CAMK1D: variants seen among roughly 807,000 people sequenced by gnomAD.
The protein encoded by CAMK1D is calcium/calmodulin-dependent protein kinase type 1D.
CAMK1D carries 9 observed loss-of-function variants against 47.7 expected under a neutral mutation model. The observed-to-expected ratio is 0.19, with a 90% CI of 0.11 to 0.33. The LOEUF is 0.33. Among genes scored for constraint, CAMK1D ranks in the 10% least tolerant of loss-of-function variants. The pLI is 1.00. For missense variants in CAMK1D, 291 were observed against 488.7 expected (o/e 0.60, Z 3.81); for synonymous variants, 184 against 184.9 (o/e 0.99, Z 0.04).
intron 1 of CAMK1D, among the ~76,000 whole-genome samples, chr10:12,381,114 A>G (rs1303797090): frequency 1.3e-5 from 2 of 152,234 alleles, no homozygotes; most frequent in Non-Finnish European, 2.9e-5. Context: ...AGTAGGAATG[A>G]AAAGAACTGG....
intron 3 of CAMK1D, among the ~76,000 whole-genome samples, chr10:12,688,154 T>C (rs1832731596): frequency 6.6e-6 from 1 of 152,226 alleles, no homozygotes; most frequent in African/African-American, 2.4e-5. Context: ...GGCAATATCC[T>C]TGTGACATGT....
chr10:12,522,096 C>T (rs1042333610), intron 1 of CAMK1D, among the ~76,000 whole-genome samples: 1 of 150,878 alleles, frequency 6.6e-6, no homozygotes, highest in Non-Finnish European at 1.5e-5. Flanking sequence ...AATAGTGGGC[C>T]TACTATTTTA....
chr10:12,661,766 G>T (rs1023669948), intron 2 of CAMK1D, among the ~76,000 whole-genome samples: 1 of 152,192 alleles, frequency 6.6e-6, no homozygotes, highest in South Asian at 2.1e-4. Context: ...TAGAAGATGA[G>T]ATCTATAGAC....
chr10:12,516,631 A>G (rs1001766150), intron 1 of CAMK1D, among the ~76,000 whole-genome samples: 6 of 152,166 alleles, frequency 3.9e-5, no homozygotes, highest in Admixed American at 3.9e-4. Context: ...CTGTTGCTCT[A>G]TATTCTTGTT....
In CAMK1D at chr10:12,644,534, C is replaced by G. The variant is rs1380894372; in HGVS notation, c.225-22202C>G. Among the ~76,000 whole-genome samples, 7 of 152,172 alleles carry G rather than the reference C, an allele frequency of 4.6e-5. No individual in the cohort carries two copies. The East Asian group carries it at 9.6e-4, about 21-fold the overall frequency. Reference sequence around the variant, plus strand: ...AGGTTGGCTCTTCTTAGTTTTCTCTCCCTGGTCACTGCACCTGGCGATGCT... The same window carrying G: ...AGGTTGGCTCTTCTTAGTTTTCTCTGCCTGGTCACTGCACCTGGCGATGCT... On this transcript the variant is annotated intron_variant, in intron 2 of 10. Coordinates refer to ENST00000619168, the MANE Select transcript of CAMK1D (RefSeq NM_153498.4).
At position 12,589,345 on chromosome 10, in the gene CAMK1D, G is replaced by A. The variant is rs868188096; in HGVS notation, c.224+35989G>A. Among the ~76,000 whole-genome samples, 17 of 152,272 alleles carry A rather than the reference G, an allele frequency of 1.1e-4. 1 individual carries two copies. Among genetic ancestry groups the A allele is most frequent in the Middle Eastern group, 6.8e-3 (2 of 294 alleles). ...ATTTTTAAAATAGGGAACAGATTGT[G>A]CAAACATACAAAATGTGACCCAGAA... is the stretch of plus-strand genomic sequence containing the variant. On this transcript the variant is annotated intron_variant, in intron 2 of 10. Coordinates refer to ENST00000619168, the MANE Select transcript of CAMK1D (RefSeq NM_153498.4).
intron 5 of CAMK1D, among the ~76,000 whole-genome samples, chr10:12,785,627 A>G (rs1192072916): frequency 6.6e-6 from 1 of 152,106 alleles, no homozygotes; most frequent in Non-Finnish European, 1.5e-5. Flanking sequence ...TGGGTCTGGA[A>G]ACTCGTTGGT....
intron 3 of CAMK1D, among the ~76,000 whole-genome samples, chr10:12,759,006 C>G (rs1326643326): frequency 2.6e-5 from 4 of 152,192 alleles, no homozygotes; most frequent in African/African-American, 9.6e-5. Flanking sequence ...TGCTCACTGG[C>G]ATGTAATGGG....
Position 12,606,333 on chromosome 10 carries a change from C to T in CAMK1D, c.224+52977C>T, listed in dbSNP as rs573756798. Among the ~76,000 whole-genome samples the T allele has an allele frequency of 2.3e-3, 349 of 152,298 alleles. 2 individuals carry two copies. Among genetic ancestry groups the T allele is most frequent in the Middle Eastern group, 6.8e-3 (2 of 294 alleles). The stretch of plus-strand genomic sequence containing the variant: ...ATGCCAGGCGACCCCGGCACAGAGT[C>T]GGTCACGCACGTTTCCTCCACTGTC... On this transcript the variant is annotated intron_variant, in intron 2 of 10. Coordinates refer to ENST00000619168, the MANE Select transcript of CAMK1D (RefSeq NM_153498.4).
chr10:12,364,850 G>A (rs766704667), intron 1 of CAMK1D, among the ~76,000 whole-genome samples: 1 of 152,126 alleles, frequency 6.6e-6, no homozygotes, highest in Non-Finnish European at 1.5e-5. Context: ...TTTAGGAGTC[G>A]CTGGAAGGTG....
In CAMK1D at chr10:12,372,307, C is replaced by G. The variant is rs551345106; in HGVS notation, c.92+22397C>G. On this transcript the variant is annotated intron_variant, in intron 1 of 10. Transcript: ENST00000619168. ...GCACAGCCATTCAATAAAATAGATA[C>G]TCTTGTCACCACCATTTTAGAGATG... Among the ~76,000 whole-genome samples the G allele has an allele frequency of 2.0e-5, 3 of 152,342 alleles. No individual in the cohort carries two copies. The South Asian group carries it at 6.2e-4, about 32-fold the overall frequency.
At chr10:12,387,441 TA>T (rs1249649898) in intron 1 of CAMK1D, among the ~76,000 whole-genome samples, 10 of 50,228 alleles carry the variant, frequency 2.0e-4, no homozygotes, top group African/African-American at 5.9e-4. Flanking sequence ...ATATTATATA[TA>T]TTTTATATAT....
intron 1 of CAMK1D, among the ~76,000 whole-genome samples, chr10:12,474,477 A>C (rs2724814): frequency 1.3e-5 from 2 of 151,938 alleles, no homozygotes; most frequent in Non-Finnish European, 2.9e-5. Context: ...ACAGGCGTGA[A>C]CCACCGCACC....
At chr10:12,416,546 G>T (rs1424429845) in intron 1 of CAMK1D, among the ~76,000 whole-genome samples, 2 of 152,180 alleles carry the variant, frequency 1.3e-5, no homozygotes, top group Non-Finnish European at 2.9e-5. Context: ...TAAACTGTCG[G>T]ATGGGGCCAG....
intron 2 of CAMK1D, among the ~76,000 whole-genome samples, chr10:12,633,217 G>A (rs1461430096): frequency 6.6e-6 from 1 of 152,304 alleles, no homozygotes; most frequent in East Asian, 1.9e-4. Flanking sequence ...GAGAAGATGG[G>A]GAAATTGGAG....
At chr10:12,470,590 C>T (rs1327122035) in intron 1 of CAMK1D, among the ~76,000 whole-genome samples, 4 of 151,770 alleles carry the variant, frequency 2.6e-5, no homozygotes, top group African/African-American at 7.3e-5. Flanking sequence ...GATCTCTTCT[C>T]ACTGCAACCT....
At chr10:12,475,142 A>G (rs1255957493) in intron 1 of CAMK1D, among the ~76,000 whole-genome samples, 1 of 152,136 alleles carries the variant, frequency 6.6e-6, no homozygotes, top group African/African-American at 2.4e-5. Flanking sequence ...GGTCGAATTC[A>G]TTGTAATCAT....
chr10:12,780,453 G>A (rs1337064035), intron 5 of CAMK1D, among the ~76,000 whole-genome samples: 1 of 151,970 alleles, frequency 6.6e-6, no homozygotes, highest in Non-Finnish European at 1.5e-5. Flanking sequence ...CTTGTGAGTT[G>A]GCATCCTTTA....
In CAMK1D at chr10:12,386,740, T is replaced by C. The variant is rs115697973; in HGVS notation, c.92+36830T>C. Among the ~76,000 whole-genome samples the C allele has an allele frequency of 9.2e-3, 1,404 of 152,300 alleles. 20 individuals carry two copies. Among genetic ancestry groups the C allele is most frequent in the African/African-American group, 0.031 (1,307 of 41,560 alleles). ...ATTAACAGCAGTCATCTGAAGGTGATGAAATGACAGATGACTTTAATTTTC... is the reference window on the plus strand; with the variant it reads ...ATTAACAGCAGTCATCTGAAGGTGACGAAATGACAGATGACTTTAATTTTC... On this transcript the variant is annotated intron_variant, in intron 1 of 10. Coordinates refer to ENST00000619168, the MANE Select transcript of CAMK1D (RefSeq NM_153498.4).
Sources: gnomAD v4.1 joint callset for allele counts (sites outside exome capture counted in the v4.1 genomes callset) on GRCh38, gnomAD v4.1.1 for gene constraint, MANE v1.5 for transcripts, NCBI Gene and HGNC (gene_info 2026-07-23, HGNC 2026-07-21) for gene names.